Variants in MYO5B observed in about 807,000 individuals in gnomAD.
MYO5B encodes unconventional myosin-Vb.
In MYO5B, 143 loss-of-function variants were observed where a neutral mutation model predicts 229.3. The ratio of observed to expected loss-of-function variants is 0.62; its 90% CI spans 0.54 to 0.72. The LOEUF (loss-of-function observed/expected upper bound fraction) is 0.72. MYO5B is among the 30% of genes least tolerant of loss of function. The probability of loss-of-function intolerance (pLI) is 0.00; values close to 1 mark genes in which losing one functional copy is unlikely to be tolerated. For missense variants in MYO5B, 2,321 were observed against 2,331.0 expected (o/e 1.00, Z 0.09); for synonymous variants, 918 against 885.2 (o/e 1.04, Z -0.66).
At chr18:50,166,098 G>C (rs971477498) in intron 1 of MYO5B, among the ~76,000 whole-genome samples, 11 of 152,186 alleles carry the variant, frequency 7.2e-5, no homozygotes, top group Non-Finnish European at 1.6e-4. Flanking sequence ...CCTTATGCCA[G>C]GTACACTCCA....
chr18:50,123,764 T>C (rs2032109625), intron 1 of MYO5B, among the ~76,000 whole-genome samples: 1 of 152,138 alleles, frequency 6.6e-6, no homozygotes, highest in African/African-American at 2.4e-5. Flanking sequence ...CAAAGAAAGA[T>C]ATAGAGGTGT....
At chr18:50,087,443 C>T (rs184007520) in intron 1 of MYO5B, among the ~76,000 whole-genome samples, 331 of 151,878 alleles carry the variant, frequency 2.2e-3, no homozygotes, top group Middle Eastern at 3.4e-3. Context: ...TGTGGTGGCA[C>T]GCGCCTGTAA....
chr18:49,954,552 AC>A, intron 12 of MYO5B, 117 bp from the exon 13 acceptor site: 1 of 1,327,116 alleles, frequency 7.5e-7, no homozygotes, highest in Non-Finnish European at 1.1e-6. Context: ...CAGCCCTCGA[AC>A]CAGGACCTTA....
At chr18:50,039,138 G>GA (rs71169472) in intron 3 of MYO5B, among the ~76,000 whole-genome samples, 5,025 of 152,210 alleles carry the variant, frequency 0.033, 107 homozygotes, top group Middle Eastern at 0.068. Flanking sequence ...TCCCTCCCGG[G>GA]ACAAGACCAC....
chr18:50,164,309 C>G (rs143050561), intron 1 of MYO5B, among the ~76,000 whole-genome samples: 2 of 152,210 alleles, frequency 1.3e-5, no homozygotes, highest in African/African-American at 4.8e-5. Context: ...TTATGGGTGG[C>G]CTTCTCTTCA....
chr18:49,883,541 T>C (rs1235535084), intron 22 of MYO5B, among the ~76,000 whole-genome samples: 2 of 152,234 alleles, frequency 1.3e-5, no homozygotes, highest in Admixed American at 1.3e-4. Context: ...CTTTTTAAGA[T>C]GGCAACACTC....
intron 30 of MYO5B, 42 bp from the exon 31 acceptor site, chr18:49,853,689 G>C: frequency 6.3e-7 from 1 of 1,589,576 alleles, no homozygotes; most frequent in South Asian, 1.1e-5. Flanking sequence ...GCCCAGGCCA[G>C]GGCCCCCATC....
At chr18:49,930,137 T>C (rs949945694) in intron 16 of MYO5B, among the ~76,000 whole-genome samples, 5 of 152,160 alleles carry the variant, frequency 3.3e-5, no homozygotes, top group Non-Finnish European at 7.4e-5. Flanking sequence ...AGTACCCTCA[T>C]CCATATAATG....
intron 4 of MYO5B, among the ~76,000 whole-genome samples, chr18:50,017,505 A>G (rs753613408): frequency 1.4e-4 from 21 of 152,216 alleles, no homozygotes; most frequent in Non-Finnish European, 2.4e-4. Flanking sequence ...AAACAATATA[A>G]TATCTCATTG....
chr18:50,038,578 A>G (rs1213588378), intron 3 of MYO5B, among the ~76,000 whole-genome samples: 2 of 152,160 alleles, frequency 1.3e-5, no homozygotes, highest in Non-Finnish European at 2.9e-5. Flanking sequence ...GTAGCACGCA[A>G]TTCACATTTC....
At chr18:49,948,763 C>T (rs753740185) in intron 14 of MYO5B, among the ~76,000 whole-genome samples, 5 of 149,620 alleles carry the variant, frequency 3.3e-5, no homozygotes, top group Non-Finnish European at 5.9e-5. Flanking sequence ...GAAGTCAAGC[C>T]ATAAGCAGCA....
At chr18:50,187,973 C>G (rs1402422242) in intron 1 of MYO5B, among the ~76,000 whole-genome samples, 2 of 152,162 alleles carry the variant, frequency 1.3e-5, no homozygotes, top group African/African-American at 4.8e-5. Context: ...TGGTAAAATT[C>G]CGGTGAGCTT....
Position 50,017,244 on chromosome 18 carries a change from A to G in MYO5B, c.456-15833T>C, listed in dbSNP as rs1046965918. On this transcript the variant is annotated intron_variant, in intron 4 of 39. Transcript: ENST00000285039. ...GTGATTCTCCCGCCTCAGCCTCCCG[A>G]GTGGCTGGGATTACAGGCACGTGCC... Among the ~76,000 whole-genome samples the G allele has an allele frequency of 3.3e-5, 5 of 151,968 alleles. 1 individual carries two copies. Among genetic ancestry groups the G allele is most frequent in the Non-Finnish European group, 7.4e-5 (5 of 68,008 alleles).
At chr18:49,992,468 A>G in intron 5 of MYO5B, 37 bp from the exon 6 acceptor site, 1 of 1,614,056 alleles carries the variant, frequency 6.2e-7, no homozygotes, top group African/African-American at 1.3e-5. Flanking sequence ...TGAAAAAAAA[A>G]GAGGGCTTTC....
At chr18:50,054,717 C>T (rs2030497632) in intron 2 of MYO5B, among the ~76,000 whole-genome samples, 1 of 152,198 alleles carries the variant, frequency 6.6e-6, no homozygotes, top group African/African-American at 2.4e-5. Context: ...CAGCAGCTAA[C>T]ACATAGGGAG....
chr18:49,966,193 C>T (rs1309983354), intron 10 of MYO5B, among the ~76,000 whole-genome samples: 1 of 152,172 alleles, frequency 6.6e-6, no homozygotes, highest in Non-Finnish European at 1.5e-5. Context: ...CCCTGGTGCT[C>T]ACCTCCCCCA....
chr18:50,013,607 C>T (rs1317969212), intron 4 of MYO5B, among the ~76,000 whole-genome samples: 1 of 152,184 alleles, frequency 6.6e-6, no homozygotes, highest in Non-Finnish European at 1.5e-5. Context: ...TACTCACCTC[C>T]CTGCCCTCTC....
chr18:50,040,427 A>G, intron 2 of MYO5B, 113 bp from the exon 3 acceptor site: 1 of 1,088,672 alleles, frequency 9.2e-7, no homozygotes, highest in Non-Finnish European at 1.4e-6. Context: ...GTAAGTAATG[A>G]AGATAATGTT....
At chr18:49,931,402 A>T (rs1440216070) in intron 16 of MYO5B, among the ~76,000 whole-genome samples, 1 of 152,066 alleles carries the variant, frequency 6.6e-6, no homozygotes, top group Non-Finnish European at 1.5e-5. Flanking sequence ...CTTCTCCATA[A>T]AATCTTCCCG....
Sources: allele counts gnomAD v4.1 joint callset (sites outside exome capture counted in the v4.1 genomes callset), GRCh38; gene constraint gnomAD v4.1.1; transcripts MANE v1.5; gene names NCBI Gene and HGNC (gene_info 2026-07-23, HGNC 2026-07-21).